KLC1: variants seen among roughly 807,000 people sequenced by gnomAD.
KLC1 encodes the protein kinesin light chain 1.
Under a neutral mutation model 84.2 loss-of-function variants are expected in KLC1, and 30 were observed. That is an observed-to-expected ratio of 0.36 (90% CI 0.27 to 0.48). The LOEUF (loss-of-function observed/expected upper bound fraction) is 0.48. Ranked by LOEUF, KLC1 falls within the 20% of genes least tolerant of loss-of-function variation. KLC1 has a pLI of 0.99. For synonymous variants in KLC1, 289 were observed against 293.3 expected, an observed-to-expected ratio of 0.99 and a Z score of 0.15; for missense variants, 499 against 805.4, an observed-to-expected ratio of 0.62 and a Z score of 4.60.
chr14:103,649,210 T>A (rs1179541399), intron 1 of KLC1, among the ~76,000 whole-genome samples: 1 of 151,922 alleles, frequency 6.6e-6, no homozygotes, highest in Admixed American at 6.6e-5. Flanking sequence ...AGGTGGGGAA[T>A]TGCTTGAGTC....
intron 1 of KLC1, among the ~76,000 whole-genome samples, chr14:103,636,285 G>A (rs1314624277): frequency 6.6e-6 from 1 of 151,890 alleles, no homozygotes; most frequent in Admixed American, 6.6e-5. Flanking sequence ...GCAGTGGCAC[G>A]ATCTCAGCTC....
At chr14:103,648,571 C>T (rs1319149225) in intron 1 of KLC1, among the ~76,000 whole-genome samples, 1 of 151,646 alleles carries the variant, frequency 6.6e-6, no homozygotes. Context: ...TCACTTGAGC[C>T]TAGGAGTTGA....
At position 103,700,671 on chromosome 14, in the gene KLC1, CCT is replaced by C. The variant is rs2083107882; in HGVS notation, c.1868_1869del (p.Ser623PhefsTer66). 2 of 1,607,524 alleles carry C rather than the reference CCT, an allele frequency of 1.2e-6. No individual in the cohort carries two copies. The highest frequency in any genetic ancestry group is 2.2e-5 in the South Asian group (2 of 90,478). On this transcript the variant is annotated frameshift_variant, in exon 16 of 17. Transcript: ENST00000334553. LOFTEE classifies it high-confidence loss of function. ...CATCTCCAGGGCGTCTCTGGCCGAG[CCT>C]CTTTTTGTGGAAAACGACAGCAGCA...
At chr14:103,666,585 A>C (rs1595442537) in intron 5 of KLC1, among the ~76,000 whole-genome samples, 1 of 148,908 alleles carries the variant, frequency 6.7e-6, no homozygotes, top group African/African-American at 2.5e-5. Context: ...AATATACCTC[A>C]TCTCATTTAA....
Position 103,677,534 on chromosome 14 carries a change from C to A in KLC1, c.1488+11C>A. On this transcript the variant is annotated intron_variant, in intron 12 of 16. Transcript: ENST00000334553. ...AGGTCTCGTAAACAGGTTAGTCATACTTCTGTCCTTAACCGGCCCATGGGA... is the reference window on the plus strand; with the variant it reads ...AGGTCTCGTAAACAGGTTAGTCATAATTCTGTCCTTAACCGGCCCATGGGA... 6.5e-7 allele frequency: 1 copy of A among 1,548,240 alleles called. No individual in the cohort carries two copies. The highest frequency in any genetic ancestry group is 8.9e-7 in the Non-Finnish European group (1 of 1,121,062).
intron 6 of KLC1, 115 bp from the exon 7 acceptor site, chr14:103,670,067 A>G (rs1004214919): frequency 5.7e-6 from 4 of 703,180 alleles, no homozygotes; most frequent in Admixed American, 4.8e-5. Flanking sequence ...ATATTGTTCT[A>G]TCCGACTAAG....
Position 103,696,923 on chromosome 14 carries a change from T to A in KLC1, c.1849-3732T>A, listed in dbSNP as rs542820065. 2.2e-5 allele frequency: 22 copies of A among 985,336 alleles called. No individual in the cohort carries two copies. In the East Asian group the frequency reaches 7.9e-4, roughly 36 times the overall value. 61.0% of individuals were successfully genotyped at this position (985,336 alleles called of 1,614,324 possible). A position where few individuals can be genotyped will look rare whatever the true frequency, so the allele number is the denominator to read the frequency against. ...CCAGGCCAGCCCGTCTGCAGACTCC[T>A]GTGGTGGGAGTTCCCTGGGACGGGA... On this transcript the variant is annotated intron_variant, in intron 15 of 16. Coordinates refer to ENST00000334553, the MANE Select transcript of KLC1 (RefSeq NM_001394837.1).
intron 13 of KLC1, chr14:103,683,947 G>A (rs1039492363): frequency 1.3e-5 from 2 of 152,282 alleles, no homozygotes; most frequent in African/African-American, 4.8e-5. Context: ...GGAGGCCGAG[G>A]CGGGTGGATC....
chr14:103,638,661 T>A (rs1344787392), intron 1 of KLC1, among the ~76,000 whole-genome samples: 3 of 142,828 alleles, frequency 2.1e-5, no homozygotes, highest in African/African-American at 7.6e-5. Context: ...CATTAATTTT[T>A]TTTTTTTTTT....
At position 103,698,687 on chromosome 14, in the gene KLC1, T is replaced by G. The variant is rs974687696; in HGVS notation, c.1849-1968T>G. On this transcript the variant is annotated intron_variant, in intron 15 of 16. Coordinates refer to ENST00000334553, the MANE Select transcript of KLC1 (RefSeq NM_001394837.1). ...TGGAGCCGCTGCCCTGGAAGAGCTG[T>G]GTCTGAACCAGGCTCCCAGCTGTGC... 9.3e-6 allele frequency: 9 copies of G among 971,962 alleles called. No homozygotes were observed. The African/African-American group carries it at 1.5e-4, about 16-fold the overall frequency. 60.2% of individuals were successfully genotyped at this position (971,962 alleles called of 1,614,324 possible). A position where few individuals can be genotyped will look rare whatever the true frequency, so the allele number is the denominator to read the frequency against.
chr14:103,656,918 A>C (rs781392359), intron 2 of KLC1, among the ~76,000 whole-genome samples: 1 of 152,192 alleles, frequency 6.6e-6, no homozygotes, highest in Non-Finnish European at 1.5e-5. Flanking sequence ...GCTCCTAGGA[A>C]CTTGCCACAG....
At chr14:103,672,000 A>G (rs2080425418) in intron 7 of KLC1, among the ~76,000 whole-genome samples, 1 of 152,160 alleles carries the variant, frequency 6.6e-6, no homozygotes, top group African/African-American at 2.4e-5. Flanking sequence ...TTGGTGATTT[A>G]CAGATCAGAC....
At chr14:103,631,052 TA>T (rs1424366926) in intron 1 of KLC1, among the ~76,000 whole-genome samples, 1 of 151,924 alleles carries the variant, frequency 6.6e-6, no homozygotes, top group Non-Finnish European at 1.5e-5. Flanking sequence ...CAGTATTTCA[TA>T]GCAAATAACT....
chr14:103,662,647 C>A, intron 4 of KLC1, 55 bp from the exon 5 acceptor site: 1 of 1,325,608 alleles, frequency 7.5e-7, no homozygotes, highest in Non-Finnish European at 1.0e-6. Context: ...AAGAAACTGA[C>A]TCATCTGGAT....
At chr14:103,697,192 T>C (rs1595604724) in intron 15 of KLC1, 8 of 907,024 alleles carry the variant, frequency 8.8e-6, no homozygotes, top group Non-Finnish European at 9.2e-6. Context: ...TTTGTAAAAA[T>C]CCAACCCCAA....
chr14:103,654,476 T>A, intron 1 of KLC1, 88 bp from the exon 2 acceptor site: 1 of 1,038,882 alleles, frequency 9.6e-7, no homozygotes, highest in Non-Finnish European at 1.4e-6. Flanking sequence ...CTATAAAATG[T>A]TAATTAAAAA....
chr14:103,694,164 C>T lies in KLC1; in HGVS notation c.1848+1739C>T, dbSNP rs1388993613. The T allele has an allele frequency of 4.1e-6, 4 of 985,720 alleles. No homozygotes were observed. Among genetic ancestry groups the T allele is most frequent in the Non-Finnish European group, 4.8e-6 (4 of 830,230 alleles). 61.1% of individuals were successfully genotyped at this position (985,720 alleles called of 1,614,324 possible). On this transcript the variant is annotated intron_variant, in intron 15 of 16. Coordinates refer to ENST00000334553, the MANE Select transcript of KLC1 (RefSeq NM_001394837.1). This position sits in a 1 kb window ranked among gnomAD's most constrained non-coding sequence, Gnocchi z 4.5. The stretch of plus-strand genomic sequence containing the variant: ...GTCTCTCTTTCCAAGGTCCCCATGC[C>T]TGTGGCCCTGGGGCCCCATGCCCCC...
intron 5 of KLC1, among the ~76,000 whole-genome samples, chr14:103,663,944 G>C (rs960826481): frequency 6.6e-6 from 1 of 152,182 alleles, no homozygotes; most frequent in East Asian, 1.9e-4. Flanking sequence ...TTAAAAATAA[G>C]TTTTGAAAGT....
chr14:103,686,924 C>T (rs1254084485), intron 13 of KLC1, 157 bp from the exon 14 acceptor site: 12 of 403,138 alleles, frequency 3.0e-5, no homozygotes, highest in African/African-American at 8.1e-5. Context: ...AGTATATTCA[C>T]GTACATGGTA....
Sources: gnomAD v4.1 joint callset for allele counts (sites outside exome capture counted in the v4.1 genomes callset) on GRCh38, gnomAD v4.1.1 for gene constraint, Gnocchi (gnomAD v3.1) non-coding constraint, MANE v1.5 for transcripts, NCBI Gene and HGNC (gene_info 2026-07-23, HGNC 2026-07-21) for gene names.